PPM1H: variants seen among roughly 807,000 people sequenced by gnomAD.
PPM1H encodes the protein protein phosphatase 1H.
PPM1H carries 27 observed loss-of-function variants against 54.9 expected under a neutral mutation model. That is an observed-to-expected ratio of 0.49 (90% CI 0.36 to 0.68). The LOEUF is 0.68. Ranked by LOEUF, PPM1H falls within the 30% of genes least tolerant of loss-of-function variation. The pLI is 0.00. For synonymous variants in PPM1H, 305 were observed against 270.8 expected (o/e 1.13, Z -1.24); for missense variants, 596 against 667.8 (o/e 0.89, Z 1.19).
At chr12:62,887,757 T>C (rs1341420292) in intron 1 of PPM1H, among the ~76,000 whole-genome samples, 2 of 152,124 alleles carry the variant, frequency 1.3e-5, no homozygotes, top group Admixed American at 1.3e-4. Context: ...ATATAGGTGA[T>C]GGTCATGGAG....
chr12:62,812,619 T>C (rs1230439853), intron 2 of PPM1H, among the ~76,000 whole-genome samples: 1 of 152,122 alleles, frequency 6.6e-6, no homozygotes, highest in Non-Finnish European at 1.5e-5. Context: ...TGCAGCCTGA[T>C]GAAGGAAGAT....
chr12:62,719,405 C>T (rs2076252321), intron 6 of PPM1H, among the ~76,000 whole-genome samples: 1 of 152,098 alleles, frequency 6.6e-6, no homozygotes, highest in Non-Finnish European at 1.5e-5. Context: ...TCGTTAGGAC[C>T]CCAGGGCACA....
chr12:62,825,570 C>T (rs1868281021), intron 2 of PPM1H, among the ~76,000 whole-genome samples: 1 of 152,178 alleles, frequency 6.6e-6, no homozygotes, highest in Non-Finnish European at 1.5e-5. Context: ...CAGATGAGTT[C>T]ATGTCCTTTG....
intron 2 of PPM1H, among the ~76,000 whole-genome samples, chr12:62,831,815 G>GTA (rs964978239): frequency 5.8e-4 from 87 of 149,316 alleles, no homozygotes; most frequent in East Asian, 1.2e-3. Flanking sequence ...ATATATATGT[G>GTA]TATATATATA....
At chr12:62,823,841 G>A (rs553870097) in intron 2 of PPM1H, among the ~76,000 whole-genome samples, 127 of 152,304 alleles carry the variant, frequency 8.3e-4, no homozygotes, top group African/African-American at 3.0e-3. Flanking sequence ...ACTGGCACAA[G>A]ACAGGGATGC....
chr12:62,649,945 G>A (rs2075806655), intron 9 of PPM1H, among the ~76,000 whole-genome samples: 1 of 152,172 alleles, frequency 6.6e-6, no homozygotes, highest in Non-Finnish European at 1.5e-5. Context: ...CACCGTATAA[G>A]TCCTCTTGGA....
At chr12:62,835,664 CCATT>C (rs1165083680) in intron 1 of PPM1H, among the ~76,000 whole-genome samples, 1 of 151,814 alleles carries the variant, frequency 6.6e-6, no homozygotes, top group African/African-American at 2.4e-5. Context: ...AACCTGATTA[CCATT>C]CAGATGATAA....
At chr12:62,680,265 C>T (rs922506270) in intron 8 of PPM1H, among the ~76,000 whole-genome samples, 1 of 149,794 alleles carries the variant, frequency 6.7e-6, no homozygotes, top group African/African-American at 2.5e-5. Flanking sequence ...TCCTCTTTCC[C>T]CCTCCCCTCC....
intron 4 of PPM1H, among the ~76,000 whole-genome samples, chr12:62,784,593 G>T (rs1378849921): frequency 6.6e-6 from 1 of 152,156 alleles, no homozygotes; most frequent in Non-Finnish European, 1.5e-5. Flanking sequence ...ATTAATCAGG[G>T]CTCTGTTGCC....
chr12:62,722,957 C>A (rs950217633), intron 5 of PPM1H, among the ~76,000 whole-genome samples: 1 of 152,172 alleles, frequency 6.6e-6, no homozygotes, highest in Non-Finnish European at 1.5e-5. Flanking sequence ...GGGGTTACAT[C>A]CCAGTAAACC....
At chr12:62,892,788 T>A (rs1353565794) in intron 1 of PPM1H, among the ~76,000 whole-genome samples, 1 of 152,130 alleles carries the variant, frequency 6.6e-6, no homozygotes, top group African/African-American at 2.4e-5. Flanking sequence ...TTCAGAGAAA[T>A]TAAAATGTGG....
rs772522680 is a variant in PPM1H, at chr12:62,801,811, C to A, written c.756+5G>T. ...CTGCTGCCCCAGACTCCCAGGAATA[C>A]CTACCATTTCCTTGAATGCACTTTC... On this transcript the variant is annotated splice_donor_5th_base_variant and intron_variant, in intron 3 of 9. Transcript: ENST00000228705. 3 of 1,613,606 alleles carry A rather than the reference C, an allele frequency of 1.9e-6. No homozygotes were observed. Among genetic ancestry groups the A allele is most frequent in the Non-Finnish European group, 2.5e-6 (3 of 1,179,608 alleles).
intron 1 of PPM1H, among the ~76,000 whole-genome samples, chr12:62,847,997 A>G (rs994725655): frequency 1.3e-5 from 2 of 152,214 alleles, no homozygotes; most frequent in Non-Finnish European, 2.9e-5. Context: ...AATCCTGCCT[A>G]TGGTAAGAAA....
chr12:62,857,010 T>C (rs1350847393), intron 1 of PPM1H, among the ~76,000 whole-genome samples: 1 of 152,194 alleles, frequency 6.6e-6, no homozygotes, highest in African/African-American at 2.4e-5. Context: ...ATAGGTCTAA[T>C]GTGTATATGT....
chr12:62,810,197 T>C (rs547987608), intron 2 of PPM1H, among the ~76,000 whole-genome samples: 1 of 152,322 alleles, frequency 6.6e-6, no homozygotes, highest in South Asian at 2.1e-4. Context: ...AGGGATTTTA[T>C]ATAAGACACT....
intron 4 of PPM1H, among the ~76,000 whole-genome samples, chr12:62,744,470 C>CAAA (rs35852199): frequency 0.01 from 887 of 88,150 alleles, 23 homozygotes; most frequent in African/African-American, 0.034. Context: ...GACTCTGTCT[C>CAAA]AAAAAAAAAA....
In PPM1H at chr12:62,903,376, A is replaced by G. The variant is rs781304411; in HGVS notation, c.245+31116T>C. 2.0e-5 allele frequency among the ~76,000 whole-genome samples: 3 copies of G among 152,324 alleles called. 1 individual carries two copies. The South Asian group carries it at 6.2e-4, about 32-fold the overall frequency. ...AAGCAACAGGAAGTCAAGCACATGCACCGTCCAGAAATACCCTGAAATGTT... is the reference window on the plus strand; with the variant it reads ...AAGCAACAGGAAGTCAAGCACATGCGCCGTCCAGAAATACCCTGAAATGTT... On this transcript the variant is annotated intron_variant, in intron 1 of 9. Transcript: ENST00000228705.
At chr12:62,835,319 C>T (rs1409268870) in intron 1 of PPM1H, among the ~76,000 whole-genome samples, 1 of 152,250 alleles carries the variant, frequency 6.6e-6, no homozygotes, top group African/African-American at 2.4e-5. Context: ...TCATTGCATG[C>T]ATATGAGAAA....
At chr12:62,850,741 G>A (rs563574941) in intron 1 of PPM1H, 11 of 148,686 alleles carry the variant, frequency 7.4e-5, no homozygotes, top group African/African-American at 2.7e-4. Context: ...TCTTTTTTAG[G>A]GGAAAGCATG....
Sources: gnomAD v4.1 joint callset for allele counts (sites outside exome capture counted in the v4.1 genomes callset) on GRCh38, gnomAD v4.1.1 for gene constraint, MANE v1.5 for transcripts, NCBI Gene and HGNC (gene_info 2026-07-23, HGNC 2026-07-21) for gene names.